SGMS1: variants seen among roughly 807,000 people sequenced by gnomAD.
SGMS1 encodes phosphatidylcholine:ceramide cholinephosphotransferase 1.
In SGMS1, 13 loss-of-function variants were observed where a neutral mutation model predicts 46.2. The ratio of observed to expected loss-of-function variants is 0.28; its 90% CI spans 0.18 to 0.45. The LOEUF (loss-of-function observed/expected upper bound fraction) is 0.45. SGMS1 is among the 20% of genes least tolerant of loss of function. The pLI is 1.00. For synonymous variants in SGMS1, 203 were observed against 187.8 expected (o/e 1.08, Z -0.66); for missense variants, 324 against 519.9 (o/e 0.62, Z 3.66).
At chr10:50,562,099 G>C (rs1345143080) in intron 2 of SGMS1, among the ~76,000 whole-genome samples, 1 of 152,078 alleles carries the variant, frequency 6.6e-6, no homozygotes, top group Non-Finnish European at 1.5e-5. Flanking sequence ...ATATGTCTCA[G>C]GCCTACGCTT....
At chr10:50,396,196 C>G (rs1848845823) in intron 6 of SGMS1, among the ~76,000 whole-genome samples, 1 of 152,050 alleles carries the variant, frequency 6.6e-6, no homozygotes, top group Admixed American at 6.6e-5. Flanking sequence ...CTTCTCTGAG[C>G]CCTCAGGGTG....
At chr10:50,593,868 G>A (rs1334347301) in intron 1 of SGMS1, among the ~76,000 whole-genome samples, 1 of 152,126 alleles carries the variant, frequency 6.6e-6, no homozygotes, top group East Asian at 1.9e-4. Context: ...GGGACCCTCT[G>A]GGGATTTTGC....
At chr10:50,367,258 CA>C (rs2133433133) in intron 6 of SGMS1, among the ~76,000 whole-genome samples, 1 of 152,320 alleles carries the variant, frequency 6.6e-6, no homozygotes, top group East Asian at 1.9e-4. Flanking sequence ...TTAAGGAACA[CA>C]ACCCTAGGGA....
chr10:50,616,381 C>T (rs941755964), intron 1 of SGMS1, among the ~76,000 whole-genome samples: 1 of 152,144 alleles, frequency 6.6e-6, no homozygotes, highest in Non-Finnish European at 1.5e-5. Context: ...AGTGATCCTC[C>T]CACCTCGGCC....
At chr10:50,481,527 C>T (rs1837477000) in intron 3 of SGMS1, among the ~76,000 whole-genome samples, 1 of 152,132 alleles carries the variant, frequency 6.6e-6, no homozygotes. Flanking sequence ...AAAACCCTAT[C>T]CAAAGGTCAG....
chr10:50,583,457 A>C (rs1482575110), intron 2 of SGMS1, among the ~76,000 whole-genome samples: 2 of 152,288 alleles, frequency 1.3e-5, no homozygotes, highest in Admixed American at 6.5e-5. Context: ...CAGGCCCTGG[A>C]GTGAAGCACA....
intron 3 of SGMS1, among the ~76,000 whole-genome samples, chr10:50,502,175 A>T (rs72801787): frequency 0.017 from 2,611 of 152,186 alleles, 25 homozygotes; most frequent in Middle Eastern, 0.044. Flanking sequence ...ACCTGACAAG[A>T]TAGCTATCTG....
chr10:50,580,968 T>C (rs767295060), intron 2 of SGMS1, among the ~76,000 whole-genome samples: 3 of 152,224 alleles, frequency 2.0e-5, no homozygotes. Flanking sequence ...GGAAGACTTG[T>C]TAAAACACTG....
rs1239806041 is a variant in SGMS1 at position 50,616,926 on chromosome 10, C to T, written c.-684+6781G>A. Among the ~76,000 whole-genome samples the T allele has an allele frequency of 2.6e-5, 4 of 152,196 alleles. No homozygotes were observed. In the East Asian group the frequency reaches 7.7e-4, roughly 29 times the overall value. On this transcript the variant is annotated intron_variant, in intron 1 of 10. Transcript: ENST00000361781. Reference sequence around the variant, plus strand: ...TATATATTCAATGCAATGCCCATCACACTTTCCTAACTTTGTTGAGAACTT... The same window carrying T: ...TATATATTCAATGCAATGCCCATCATACTTTCCTAACTTTGTTGAGAACTT...
At chr10:50,560,880 G>A (rs7094446) in intron 2 of SGMS1, among the ~76,000 whole-genome samples, 1,754 of 152,090 alleles carry the variant, frequency 0.012, 32 homozygotes, top group African/African-American at 0.041. Flanking sequence ...CCTTTATACC[G>A]TTTTCCTAAC....
intron 1 of SGMS1, among the ~76,000 whole-genome samples, chr10:50,607,760 A>C (rs1838710833): frequency 2.0e-5 from 3 of 152,234 alleles, no homozygotes; most frequent in African/African-American, 7.2e-5. Context: ...AAATACTAAA[A>C]TGAAACCACA....
At chr10:50,427,547 C>A (rs1173011692) in intron 6 of SGMS1, among the ~76,000 whole-genome samples, 1 of 152,076 alleles carries the variant, frequency 6.6e-6, no homozygotes, top group Non-Finnish European at 1.5e-5. Flanking sequence ...ACAGTAAATA[C>A]AAGCTAAGGA....
upstream of SGMS1, chr10:50,624,729 C>A: frequency 1.0e-6 from 1 of 985,414 alleles, no homozygotes; most frequent in Non-Finnish European, 1.2e-6. Flanking sequence ...TTCCTCTGCT[C>A]CCCGAGCGAA....
chr10:50,519,022 T>G (rs2133785733), intron 3 of SGMS1, among the ~76,000 whole-genome samples: 1 of 152,240 alleles, frequency 6.6e-6, no homozygotes, highest in East Asian at 1.9e-4. Context: ...CCATAGAATT[T>G]AACTTAACCA....
At chr10:50,423,659 C>T (rs74365691) in intron 6 of SGMS1, among the ~76,000 whole-genome samples, 4 of 151,958 alleles carry the variant, frequency 2.6e-5, no homozygotes, top group East Asian at 1.9e-4. Flanking sequence ...ACTAAGTGCA[C>T]GAACTCTTAT....
chr10:50,555,758 T>C (rs1838184956), intron 2 of SGMS1, among the ~76,000 whole-genome samples: 1 of 152,154 alleles, frequency 6.6e-6, no homozygotes, highest in Admixed American at 6.5e-5. Context: ...ATGGCTAGCT[T>C]TTAAAACATT....
chr10:50,430,086 G>C (rs962503308), intron 6 of SGMS1, among the ~76,000 whole-genome samples: 2 of 151,992 alleles, frequency 1.3e-5, no homozygotes, highest in Non-Finnish European at 2.9e-5. Context: ...TCTCTGTTCA[G>C]ACTGTTCCTT....
At chr10:50,550,485 G>A (rs1254228008) in intron 2 of SGMS1, among the ~76,000 whole-genome samples, 1 of 152,070 alleles carries the variant, frequency 6.6e-6, no homozygotes, top group Non-Finnish European at 1.5e-5. Context: ...AACATGCCTT[G>A]GACTGGTTTT....
chr10:50,524,907 G>A (rs948889661), intron 2 of SGMS1, among the ~76,000 whole-genome samples: 1 of 151,874 alleles, frequency 6.6e-6, no homozygotes, highest in African/African-American at 2.4e-5. Flanking sequence ...TTCAGAAGAG[G>A]GTGCAAAAAG....
Sources: allele counts gnomAD v4.1 joint callset (sites outside exome capture counted in the v4.1 genomes callset), GRCh38; gene constraint gnomAD v4.1.1; transcripts MANE v1.5; gene names NCBI Gene and HGNC (gene_info 2026-07-23, HGNC 2026-07-21).